SORCS3: variants seen among roughly 807,000 people sequenced by gnomAD.
SORCS3 encodes the protein sortilin related VPS10 domain containing receptor 3.
SORCS3 carries 57 observed loss-of-function variants against 146.3 expected under a neutral mutation model. The observed-to-expected ratio is 0.39, with a 90% CI of 0.31 to 0.49. The LOEUF (loss-of-function observed/expected upper bound fraction) is 0.49, where lower values mean the gene tolerates loss of function less well. SORCS3 is among the 20% of genes least tolerant of loss of function. The pLI is 0.92. For synonymous variants in SORCS3, 653 were observed against 618.5 expected (o/e 1.06, Z -0.83); for missense variants, 1,341 against 1,575.5 (o/e 0.85, Z 2.52).
At chr10:104,708,743 A>G (rs1269753573) in intron 1 of SORCS3, among the ~76,000 whole-genome samples, 1 of 152,020 alleles carries the variant, frequency 6.6e-6, no homozygotes, top group Non-Finnish European at 1.5e-5. Context: ...TAGCAGCCAT[A>G]TTTTAATCTC....
chr10:104,938,895 G>T (rs1192154408), intron 3 of SORCS3, among the ~76,000 whole-genome samples: 2 of 152,192 alleles, frequency 1.3e-5, no homozygotes, highest in Non-Finnish European at 2.9e-5. Context: ...CTTGTCAATG[G>T]TTCTCAATCT....
intron 20 of SORCS3, among the ~76,000 whole-genome samples, chr10:105,225,955 A>G (rs946676075): frequency 6.6e-6 from 1 of 151,928 alleles, no homozygotes; most frequent in African/African-American, 2.4e-5. Context: ...CAGATTTAAG[A>G]GTTTTTTCAT....
intron 1 of SORCS3, among the ~76,000 whole-genome samples, chr10:104,743,154 C>T (rs915549337): frequency 6.6e-6 from 1 of 152,132 alleles, no homozygotes; most frequent in Non-Finnish European, 1.5e-5. Context: ...GAACTTGGCT[C>T]TTCAGACTCT....
Position 104,722,054 on chromosome 10 carries a change from C to T in SORCS3, c.627+80100C>T, listed in dbSNP as rs527333257. On this transcript the variant is annotated intron_variant, in intron 1 of 26. Transcript: ENST00000369701. ...TGAGAGGGGGCATCCCTGTCTTGTG[C>T]CAGTTTTCAAAGGGAATGCTTCCAG... is the stretch of plus-strand genomic sequence containing the variant. 1.7e-3 allele frequency among the ~76,000 whole-genome samples: 255 copies of T among 152,262 alleles called. 1 individual carries two copies. Among genetic ancestry groups the T allele is most frequent in the African/African-American group, 5.9e-3 (247 of 41,552 alleles).
chr10:105,089,329 G>A (rs907730284), intron 5 of SORCS3, among the ~76,000 whole-genome samples: 2 of 152,170 alleles, frequency 1.3e-5, no homozygotes, highest in Admixed American at 6.5e-5. Context: ...AGGCAATACC[G>A]TGTTCCCCAT....
intron 1 of SORCS3, among the ~76,000 whole-genome samples, chr10:104,698,137 A>G (rs1444745764): frequency 6.6e-6 from 1 of 152,074 alleles, no homozygotes; most frequent in Non-Finnish European, 1.5e-5. Context: ...TAGCATTCTT[A>G]TTTTTTCAAA....
intron 1 of SORCS3, among the ~76,000 whole-genome samples, chr10:104,751,730 G>T (rs919241844): frequency 6.6e-6 from 1 of 151,218 alleles, no homozygotes; most frequent in South Asian, 2.1e-4. Flanking sequence ...TAATCCCATC[G>T]CAGGGAAGGT....
intron 2 of SORCS3, among the ~76,000 whole-genome samples, chr10:104,894,156 A>G (rs952845492): frequency 6.6e-6 from 1 of 151,892 alleles, no homozygotes; most frequent in Non-Finnish European, 1.5e-5. Flanking sequence ...CTTTCTTATC[A>G]TTGTTTTACA....
chr10:105,061,718 G>T (rs1357903193), intron 5 of SORCS3, among the ~76,000 whole-genome samples: 2 of 152,006 alleles, frequency 1.3e-5, no homozygotes, highest in Non-Finnish European at 2.9e-5. Context: ...CCACCTTTGA[G>T]GAATGAGGGA....
chr10:105,096,746 A>G (rs1025253233), intron 6 of SORCS3, among the ~76,000 whole-genome samples: 2 of 152,144 alleles, frequency 1.3e-5, no homozygotes, highest in Non-Finnish European at 2.9e-5. Flanking sequence ...TGTGCTGTCC[A>G]TTATGGTAGT....
At chr10:104,724,336 G>T (rs928509778) in intron 1 of SORCS3, among the ~76,000 whole-genome samples, 36 of 152,298 alleles carry the variant, frequency 2.4e-4, no homozygotes, top group African/African-American at 8.7e-4. Flanking sequence ...AGTTTCTGCC[G>T]AGAGATCAGC....
At position 104,934,260 on chromosome 10, in the gene SORCS3, CA is replaced by C. The variant is rs201068629; in HGVS notation, c.795+18329del. Among the ~76,000 whole-genome samples, 906 of 152,256 alleles carry C rather than the reference CA, an allele frequency of 6.0e-3. 5 individuals are homozygous for C. The highest frequency in any genetic ancestry group is 0.02 in the Middle Eastern group (6 of 294). Reference sequence around the variant, plus strand: ...ATATTGAATCCCAGACCTCATCTACCATGGAGAATCTGATTCTACAGGTCTG... The same window carrying C: ...ATATTGAATCCCAGACCTCATCTACCTGGAGAATCTGATTCTACAGGTCTG... On this transcript the variant is annotated intron_variant, in intron 3 of 26. Coordinates refer to ENST00000369701, the MANE Select transcript of SORCS3 (RefSeq NM_014978.3).
intron 4 of SORCS3, among the ~76,000 whole-genome samples, chr10:105,013,882 G>A (rs891365154): frequency 1.3e-5 from 2 of 151,694 alleles, no homozygotes; most frequent in Non-Finnish European, 2.9e-5. Context: ...ACCTGAAGAG[G>A]AATAAAGGGT....
intron 1 of SORCS3, among the ~76,000 whole-genome samples, chr10:104,782,389 G>C (rs928947901): frequency 1.3e-5 from 2 of 152,134 alleles, no homozygotes; most frequent in Non-Finnish European, 2.9e-5. Context: ...GCCCTTTGTT[G>C]AGGCTGTGTT....
chr10:104,889,028 A>G (rs2018721411), intron 2 of SORCS3, among the ~76,000 whole-genome samples: 1 of 152,178 alleles, frequency 6.6e-6, no homozygotes, highest in Non-Finnish European at 1.5e-5. Flanking sequence ...TGATTACTTT[A>G]TCATTATAAA....
At chr10:105,252,624 A>G (rs1378726062) in intron 22 of SORCS3, 151 bp from the exon 23 acceptor site, 1 of 855,598 alleles carries the variant, frequency 1.2e-6, no homozygotes, top group Non-Finnish European at 1.8e-6. Flanking sequence ...AAAAACTGAA[A>G]GAAAGCCTGA....
At chr10:104,768,231 A>C (rs2017204947) in intron 1 of SORCS3, among the ~76,000 whole-genome samples, 1 of 152,210 alleles carries the variant, frequency 6.6e-6, no homozygotes, top group Non-Finnish European at 1.5e-5. Flanking sequence ...ATGAATCTGC[A>C]CTGTTCTGGG....
intron 1 of SORCS3, among the ~76,000 whole-genome samples, chr10:104,766,819 T>C (rs2017186304): frequency 6.6e-6 from 1 of 152,248 alleles, no homozygotes; most frequent in Non-Finnish European, 1.5e-5. Flanking sequence ...TTCTCCATTG[T>C]AACTTGAATT....
intron 1 of SORCS3, among the ~76,000 whole-genome samples, chr10:104,778,150 T>C (rs951301703): frequency 6.6e-5 from 10 of 152,188 alleles, no homozygotes; most frequent in South Asian, 2.1e-4. Context: ...GACAAATGTC[T>C]TAGACGATGG....
Sources: gnomAD v4.1 joint callset for allele counts (sites outside exome capture counted in the v4.1 genomes callset) on GRCh38, gnomAD v4.1.1 for gene constraint, MANE v1.5 for transcripts, NCBI Gene and HGNC (gene_info 2026-07-23, HGNC 2026-07-21) for gene names.